The following GPC5 variants were observed in gnomAD, a reference collection of about 807,000 sequenced individuals.
GPC5 encodes glypican-5.
A neutral mutation model predicts 53.9 loss-of-function variants in GPC5; 47 were observed. That is an observed-to-expected ratio of 0.87 (90% CI 0.69 to 1.11). GPC5 has a LOEUF of 1.11. GPC5 is among the 50% of genes most tolerant of loss of function. The probability of loss-of-function intolerance (pLI) is 0.00; values close to 1 mark genes in which losing one functional copy is unlikely to be tolerated. For missense variants in GPC5, 748 were observed against 713.1 expected, an observed-to-expected ratio of 1.05 and a Z score of -0.56; for synonymous variants, 286 against 263.3, an observed-to-expected ratio of 1.09 and a Z score of -0.84.
rs1566516128 is a variant in GPC5, at chr13:91,571,909, T to TACACAC, written c.326-121277_326-121276insCACACA. Among the ~76,000 whole-genome samples the TACACAC allele has an allele frequency of 2.9e-4, 26 of 90,764 alleles. 1 individual carries two copies. The highest frequency in any genetic ancestry group is 1.1e-3 in the African/African-American group (23 of 20,136). 59.5% of individuals were successfully genotyped at this position (90,764 alleles called of 152,430 possible). ...TACGTGTGTATATACACATATTGTA[T>TACACAC]ATATACACATATTGTATATATACAC... On this transcript the variant is annotated intron_variant, in intron 2 of 7. Transcript: ENST00000377067.
chr13:92,536,229 C>G (rs1201966676), intron 7 of GPC5, among the ~76,000 whole-genome samples: 6 of 152,018 alleles, frequency 3.9e-5, no homozygotes, highest in Non-Finnish European at 7.4e-5. Context: ...CTATAGTTCC[C>G]AACTATCCAT....
chr13:91,975,424 GA>G (rs1363029473), intron 6 of GPC5, among the ~76,000 whole-genome samples: 1 of 151,860 alleles, frequency 6.6e-6, no homozygotes, highest in Admixed American at 6.6e-5. Context: ...AAATTTACAA[GA>G]AAAAAACAAA....
At position 91,446,743 on chromosome 13, in the gene GPC5, A is replaced by G. The variant is rs9583932; in HGVS notation, c.164-2018A>G. ...CATCTTGTCTGTCTTTTGGATTGAT[A>G]TAGTAACTTAGGGAACACATTTCCT... On this transcript the variant is annotated intron_variant, in intron 1 of 7. Coordinates refer to ENST00000377067, the MANE Select transcript of GPC5 (RefSeq NM_004466.6). Among the ~76,000 whole-genome samples the G allele has an allele frequency of 4.4e-3, 674 of 152,328 alleles. 4 individuals are homozygous for G. Among genetic ancestry groups the G allele is most frequent in the African/African-American group, 0.016 (652 of 41,586 alleles).
chr13:92,423,910 T>G (rs1274741076), intron 7 of GPC5, among the ~76,000 whole-genome samples: 1 of 152,116 alleles, frequency 6.6e-6, no homozygotes, highest in African/African-American at 2.4e-5. Flanking sequence ...AGATAAAAAT[T>G]TATCCACCAT....
intron 7 of GPC5, among the ~76,000 whole-genome samples, chr13:92,587,657 T>C (rs1252034889): frequency 6.6e-6 from 1 of 152,184 alleles, no homozygotes; most frequent in Non-Finnish European, 1.5e-5. Flanking sequence ...TTTAAAATTA[T>C]TGAGCCTATG....
Position 92,827,299 on chromosome 13 carries a change from A to T in GPC5, c.1562-38983A>T, listed in dbSNP as rs138721182. On this transcript the variant is annotated intron_variant, in intron 7 of 7. Coordinates refer to ENST00000377067, the MANE Select transcript of GPC5 (RefSeq NM_004466.6). ...ATAACTTTTGAAAGACGATTTTTTT[A>T]AAAGTATATCCTTGTGGCTATCATT... is the stretch of plus-strand genomic sequence containing the variant. Among the ~76,000 whole-genome samples, 381 of 152,260 alleles carry T rather than the reference A, an allele frequency of 2.5e-3. 2 individuals carry two copies. The highest frequency in any genetic ancestry group is 7.9e-3 in the African/African-American group (328 of 41,538).
At chr13:92,698,798 C>T (rs2139245558) in intron 7 of GPC5, among the ~76,000 whole-genome samples, 2 of 152,270 alleles carry the variant, frequency 1.3e-5, no homozygotes, top group South Asian at 4.1e-4. Context: ...TAAAAGTGTT[C>T]CTGTTTCTCC....
chr13:91,413,678 G>A (rs1877977978), intron 1 of GPC5, among the ~76,000 whole-genome samples: 1 of 152,214 alleles, frequency 6.6e-6, no homozygotes, highest in East Asian at 1.9e-4. Context: ...CTGGGATTGA[G>A]TCCAATAGCA....
At chr13:92,146,036 A>G (rs577183425) in intron 7 of GPC5, among the ~76,000 whole-genome samples, 1 of 152,304 alleles carries the variant, frequency 6.6e-6, no homozygotes, top group South Asian at 2.1e-4. Flanking sequence ...AAGAGGTGCA[A>G]AATTAAAAAG....
rs928917558 is a variant in GPC5, at chr13:91,670,214, C to T, written c.326-22973C>T. On this transcript the variant is annotated intron_variant, in intron 2 of 7. Transcript: ENST00000377067. ...CCAGGATACAATTTTCCTTTGCTCT[C>T]TGATAATAGAGAAACATTCTGTATT... Among the ~76,000 whole-genome samples, 53 of 152,160 alleles carry T rather than the reference C, an allele frequency of 3.5e-4. 1 individual carries two copies. The highest frequency in any genetic ancestry group is 1.2e-3 in the African/African-American group (51 of 41,432).
chr13:92,841,493 T>C (rs1317479250), intron 7 of GPC5, among the ~76,000 whole-genome samples: 1 of 152,132 alleles, frequency 6.6e-6, no homozygotes, highest in African/African-American at 2.4e-5. Flanking sequence ...CTTATGTCTA[T>C]GCTTATCAAT....
intron 7 of GPC5, among the ~76,000 whole-genome samples, chr13:92,260,490 C>G (rs1215474982): frequency 6.6e-6 from 1 of 152,184 alleles, no homozygotes; most frequent in Non-Finnish European, 1.5e-5. Flanking sequence ...AGGCCCGGCT[C>G]CTTGAGGCAG....
At chr13:91,532,577 C>G (rs2138673673) in intron 2 of GPC5, among the ~76,000 whole-genome samples, 1 of 152,142 alleles carries the variant, frequency 6.6e-6, no homozygotes, top group South Asian at 2.1e-4. Context: ...TGAAATGATG[C>G]AAAGTAGGCC....
chr13:91,516,433 T>G (rs1885503960), intron 2 of GPC5, among the ~76,000 whole-genome samples: 1 of 152,194 alleles, frequency 6.6e-6, no homozygotes. Context: ...AATGACCTCC[T>G]TTGACTCAAG....
intron 7 of GPC5, among the ~76,000 whole-genome samples, chr13:92,696,395 G>A (rs1887557792): frequency 1.3e-5 from 2 of 152,286 alleles, no homozygotes; most frequent in Middle Eastern, 3.4e-3. Context: ...CATTCTAACT[G>A]GCATGAGATG....
intron 5 of GPC5, among the ~76,000 whole-genome samples, chr13:91,812,318 C>A (rs564570738): frequency 6.6e-6 from 1 of 152,066 alleles, no homozygotes; most frequent in African/African-American, 2.4e-5. Flanking sequence ...TTTTAAAACA[C>A]ATAAATTTTT....
chr13:92,706,296 T>C (rs1230513768), intron 7 of GPC5, among the ~76,000 whole-genome samples: 2 of 152,130 alleles, frequency 1.3e-5, no homozygotes, highest in African/African-American at 4.8e-5. Context: ...TCAAATTTTA[T>C]ATGAATTTAA....
At chr13:92,602,686 C>A (rs1388898185) in intron 7 of GPC5, among the ~76,000 whole-genome samples, 1 of 152,074 alleles carries the variant, frequency 6.6e-6, no homozygotes, top group Non-Finnish European at 1.5e-5. Context: ...CCTTTTGAAA[C>A]TGAGACTTCT....
chr13:91,968,280 A>G (rs1423981480), intron 6 of GPC5, among the ~76,000 whole-genome samples: 2 of 151,708 alleles, frequency 1.3e-5, no homozygotes, highest in Non-Finnish European at 2.9e-5. Flanking sequence ...TAATCCATCC[A>G]TTTTTCTAGA....
Sources: allele counts gnomAD v4.1 joint callset (sites outside exome capture counted in the v4.1 genomes callset), GRCh38; gene constraint gnomAD v4.1.1; transcripts MANE v1.5; gene names NCBI Gene and HGNC (gene_info 2026-07-23, HGNC 2026-07-21).